FARS2: variants seen among roughly 807,000 people sequenced by gnomAD.
FARS2 encodes the protein phenylalanine--tRNA ligase, mitochondrial.
FARS2 carries 40 observed loss-of-function variants against 46.4 expected under a neutral mutation model. The observed-to-expected ratio is 0.86, with a 90% CI of 0.67 to 1.12. The LOEUF is 1.12. Among genes scored for constraint, FARS2 ranks in the 50% most tolerant of loss-of-function variants. FARS2 has a pLI of 0.00. For synonymous variants in FARS2, 234 were observed against 214.9 expected (o/e 1.09, Z -0.78); for missense variants, 513 against 567.9 (o/e 0.90, Z 0.98).
chr6:5,523,077 C>A (rs991344252), intron 4 of FARS2, among the ~76,000 whole-genome samples: 1 of 152,172 alleles, frequency 6.6e-6, no homozygotes, highest in Non-Finnish European at 1.5e-5. Context: ...AAGTAAACTT[C>A]TAGAATAGTT....
intron 6 of FARS2, among the ~76,000 whole-genome samples, chr6:5,648,679 A>T (rs535412152): frequency 3.3e-5 from 5 of 151,818 alleles, no homozygotes; most frequent in Admixed American, 6.6e-5. Flanking sequence ...TCTACCCTTC[A>T]TAGGATTCAA....
intron 4 of FARS2, among the ~76,000 whole-genome samples, chr6:5,532,998 A>G (rs1450399810): frequency 6.6e-6 from 1 of 152,136 alleles, no homozygotes; most frequent in East Asian, 1.9e-4. Context: ...CTCTTGTAAC[A>G]AAACAACCTA....
At chr6:5,297,630 A>G (rs1343854607) in intron 1 of FARS2, among the ~76,000 whole-genome samples, 1 of 151,262 alleles carries the variant, frequency 6.6e-6, no homozygotes, top group African/African-American at 2.4e-5. Flanking sequence ...CCCGGGCAAC[A>G]AGGGTGAAAC....
chr6:5,598,373 A>T (rs1051761557), intron 5 of FARS2, among the ~76,000 whole-genome samples: 1 of 152,208 alleles, frequency 6.6e-6, no homozygotes, highest in Admixed American at 6.5e-5. Flanking sequence ...ACAGAGGGAG[A>T]CCTTGTCTCC....
At chr6:5,757,209 A>G (rs1434223835) in intron 6 of FARS2, among the ~76,000 whole-genome samples, 3 of 152,138 alleles carry the variant, frequency 2.0e-5, no homozygotes, top group Non-Finnish European at 4.4e-5. Context: ...CAAGAAGAGA[A>G]CACTTCTTTT....
chr6:5,629,291 T>G (rs1776179472), intron 6 of FARS2, among the ~76,000 whole-genome samples: 1 of 152,218 alleles, frequency 6.6e-6, no homozygotes, highest in Non-Finnish European at 1.5e-5. Flanking sequence ...ATGTCTTAAA[T>G]TAGAAACGTG....
At chr6:5,406,252 C>T (rs938623591) in intron 3 of FARS2, among the ~76,000 whole-genome samples, 1 of 152,196 alleles carries the variant, frequency 6.6e-6, no homozygotes, top group Non-Finnish European at 1.5e-5. Context: ...GTAAGCTACA[C>T]ATATCTAAAG....
chr6:5,757,404 A>G (rs891185335), intron 6 of FARS2, among the ~76,000 whole-genome samples: 3 of 152,056 alleles, frequency 2.0e-5, no homozygotes, highest in Non-Finnish European at 4.4e-5. Flanking sequence ...TTTTATTGAG[A>G]CCTGGAGAGT....
chr6:5,446,650 G>A (rs1006724576), intron 4 of FARS2, among the ~76,000 whole-genome samples: 3 of 152,256 alleles, frequency 2.0e-5, no homozygotes, highest in Non-Finnish European at 4.4e-5. Flanking sequence ...ACTTGGATGT[G>A]ATGCTTGAGC....
At chr6:5,584,437 A>T (rs1466183189) in intron 5 of FARS2, among the ~76,000 whole-genome samples, 3 of 152,184 alleles carry the variant, frequency 2.0e-5, no homozygotes, top group Non-Finnish European at 4.4e-5. Flanking sequence ...CCATATTTGC[A>T]AGTAATGATT....
At chr6:5,369,641 G>T (rs1199109855) in intron 2 of FARS2, among the ~76,000 whole-genome samples, 1 of 152,110 alleles carries the variant, frequency 6.6e-6, no homozygotes, top group African/African-American at 2.4e-5. Context: ...TGATTTATTG[G>T]CTTGGGCTGT....
intron 6 of FARS2, among the ~76,000 whole-genome samples, chr6:5,653,658 A>G (rs1410437740): frequency 6.6e-6 from 1 of 152,204 alleles, no homozygotes; most frequent in Non-Finnish European, 1.5e-5. Flanking sequence ...GATAGACATG[A>G]GTTGAGGGAT....
intron 6 of FARS2, among the ~76,000 whole-genome samples, 161 bp downstream of exon 6, chr6:5,613,481 G>A (rs1020668986): frequency 6.6e-6 from 1 of 152,182 alleles, no homozygotes; most frequent in African/African-American, 2.4e-5. Context: ...TTTGATATCA[G>A]TCGTCTCTGA....
rs1253657164 is a variant in FARS2, at chr6:5,539,637, A to G, written c.905-5543A>G. On this transcript the variant is annotated intron_variant, in intron 4 of 6. Transcript: ENST00000274680. ...AAAGCAATTGGAAGTTGTATTTGTG[A>G]AGGTAACTGTTTTTATCTTTTCAGT... 6.6e-5 allele frequency among the ~76,000 whole-genome samples: 10 copies of G among 151,982 alleles called. No individual in the cohort carries two copies. In the East Asian group the frequency reaches 1.9e-3, roughly 29 times the overall value.
intron 6 of FARS2, among the ~76,000 whole-genome samples, chr6:5,740,843 G>A (rs181751820): frequency 3.7e-4 from 57 of 152,258 alleles, no homozygotes; most frequent in African/African-American, 1.2e-3. Context: ...CCCAGGCTCC[G>A]TCTTTTGTAG....
chr6:5,452,135 C>A (rs1764533855), intron 4 of FARS2: 1 of 152,256 alleles, frequency 6.6e-6, no homozygotes, highest in Non-Finnish European at 1.5e-5. Flanking sequence ...GGTTTGGGGT[C>A]CAGAGTGGCC....
At chr6:5,533,901 T>TA (rs1770019879) in intron 4 of FARS2, among the ~76,000 whole-genome samples, 2 of 152,362 alleles carry the variant, frequency 1.3e-5, no homozygotes, top group South Asian at 4.1e-4. Context: ...AGTTGGCAGA[T>TA]ACCTTTTGTT....
chr6:5,367,857 G>C (rs1758781010), intron 1 of FARS2, among the ~76,000 whole-genome samples: 1 of 152,108 alleles, frequency 6.6e-6, no homozygotes, highest in East Asian at 1.9e-4. Flanking sequence ...CATTGATATA[G>C]TCTATCACTT....
chr6:5,511,431 C>G (rs1434292524), intron 4 of FARS2, among the ~76,000 whole-genome samples: 4 of 152,290 alleles, frequency 2.6e-5, no homozygotes, highest in South Asian at 4.1e-4. Context: ...GCACAAGGCT[C>G]TTAAACACAT....
Sources: gnomAD v4.1 joint callset for allele counts (sites outside exome capture counted in the v4.1 genomes callset) on GRCh38, gnomAD v4.1.1 for gene constraint, MANE v1.5 for transcripts, NCBI Gene and HGNC (gene_info 2026-07-23, HGNC 2026-07-21) for gene names.